The following XRCC5 variants were observed in gnomAD, a reference collection of about 807,000 sequenced individuals.
XRCC5 encodes DNA repair protein Ku80.
Under a neutral mutation model 95.7 loss-of-function variants are expected in XRCC5, and 12 were observed. The ratio of observed to expected loss-of-function variants is 0.13; its 90% CI spans 0.08 to 0.20. The LOEUF (loss-of-function observed/expected upper bound fraction) is 0.20. XRCC5 is among the 10% of genes least tolerant of loss of function. The probability of loss-of-function intolerance (pLI) is 1.00; values close to 1 mark genes in which losing one functional copy is unlikely to be tolerated. For synonymous variants in XRCC5, 281 were observed against 290.3 expected, an observed-to-expected ratio of 0.97 and a Z score of 0.33; for missense variants, 595 against 873.9, an observed-to-expected ratio of 0.68 and a Z score of 4.02.
In XRCC5 at chr2:216,175,420, G is replaced by A. The variant is rs565061062; in HGVS notation, c.1834+13372G>A. 32 of 517,976 alleles carry A rather than the reference G, an allele frequency of 6.2e-5. No homozygotes were observed. In the East Asian group the frequency reaches 1.6e-3, roughly 27 times the overall value. The allele number at this position is 517,976 out of a possible 1,614,324, so 32.1% of individuals were successfully genotyped here. A position where few individuals can be genotyped will look rare whatever the true frequency, so the allele number is the denominator to read the frequency against. On this transcript the variant is annotated intron_variant, in intron 16 of 20. Coordinates refer to ENST00000392132, the MANE Select transcript of XRCC5 (RefSeq NM_021141.4). ...CATCACCTCTGTGATCCTGCAGACT[G>A]CATCTCTTGTTTAGAAAGGGCCTTT...
chr2:216,122,383 T>A (rs1219224379), intron 6 of XRCC5, 130 bp downstream of exon 6: 8 of 861,364 alleles, frequency 9.3e-6, no homozygotes, highest in Non-Finnish European at 1.4e-5. Flanking sequence ...TATTCTGAGT[T>A]TTATTAAAGA....
intron 16 of XRCC5, among the ~76,000 whole-genome samples, chr2:216,178,146 C>A: frequency 6.6e-6 from 1 of 152,170 alleles, no homozygotes; most frequent in East Asian, 1.9e-4. Context: ...TGAAAATTGT[C>A]TTCCTGTTGA....
intron 19 of XRCC5, among the ~76,000 whole-genome samples, chr2:216,199,779 G>A (rs1485873728): frequency 1.5e-5 from 2 of 135,598 alleles, no homozygotes; most frequent in African/African-American, 5.3e-5. Context: ...AAGCAGTGAA[G>A]AAAGAGGATT....
chr2:216,171,627 A>G (rs1405113041), intron 16 of XRCC5, among the ~76,000 whole-genome samples: 3 of 152,212 alleles, frequency 2.0e-5, no homozygotes, highest in African/African-American at 4.8e-5. Flanking sequence ...TCAGGATAAT[A>G]TGGTATTTCA....
rs1696542857 is a variant in XRCC5 at position 216,109,382 on chromosome 2, G to T, written c.-55G>T. On this transcript the variant is annotated 5_prime_UTR_variant, in exon 1 of 21. Transcript: ENST00000392132. The stretch of plus-strand genomic sequence containing the variant: ...CGCTTGTCCACCGGAAGCGAGTTGC[G>T]ACACGGCAGGTTCCCGCCCGGAAGA... 1.9e-6 allele frequency: 3 copies of T among 1,612,408 alleles called. No individual in the cohort carries two copies. The highest frequency in any genetic ancestry group is 2.2e-5 in the South Asian group (2 of 90,890).
intron 6 of XRCC5, among the ~76,000 whole-genome samples, chr2:216,124,660 G>A (rs1038205444): frequency 2.0e-5 from 3 of 152,122 alleles, no homozygotes; most frequent in African/African-American, 7.2e-5. Flanking sequence ...GAAAATTGGA[G>A]TCTCTTGCGA....
Position 216,148,221 on chromosome 2 carries a change from C to A in XRCC5, c.1615C>A (p.Leu539Met). 1.2e-6 allele frequency: 2 copies of A among 1,613,526 alleles called. No homozygotes were observed. Among genetic ancestry groups the A allele is most frequent in the Non-Finnish European group, 1.7e-6 (2 of 1,179,870 alleles). Residue 539 changes from leucine to methionine, a missense_variant, in exon 14 of 21, where the codon CTG (leucine) becomes ATG (methionine). Coordinates refer to ENST00000392132, the MANE Select transcript of XRCC5 (RefSeq NM_021141.4). ...PLSKIKTLFP[L>M]IEAKKKDQVT... Reference sequence around the variant, plus strand: ...CTCTAAAATAAAGACCCTTTTTCCTCTGATTGAAGCCAAGAAAAAGGATCA... The same window carrying A: ...CTCTAAAATAAAGACCCTTTTTCCTATGATTGAAGCCAAGAAAAAGGATCA...
chr2:216,192,572 C>T, intron 17 of XRCC5, 67 bp from the exon 18 acceptor site: 1 of 1,116,438 alleles, frequency 9.0e-7, no homozygotes, highest in South Asian at 1.6e-5. Context: ...TTTGTTTGGT[C>T]TGGGGTGAAT....
In XRCC5 at chr2:216,168,216, A is replaced by G. The variant is rs41302444; in HGVS notation, c.1834+6168A>G. ...CGGACTGAGGCCCAGAGTAGTTAGG[A>G]TGACTTTTCACAGATAATTGCAAAT... On this transcript the variant is annotated intron_variant, in intron 16 of 20. Coordinates refer to ENST00000392132, the MANE Select transcript of XRCC5 (RefSeq NM_021141.4). Among the ~76,000 whole-genome samples the G allele has an allele frequency of 4.8e-3, 734 of 152,316 alleles. 3 individuals are homozygous for G. Among genetic ancestry groups the G allele is most frequent in the African/African-American group, 0.016 (680 of 41,570 alleles).
At chr2:216,195,381 T>TTTTCTC (rs1689699377) in intron 19 of XRCC5, among the ~76,000 whole-genome samples, 1 of 127,540 alleles carries the variant, frequency 7.8e-6, no homozygotes, top group African/African-American at 3.0e-5. Flanking sequence ...TTTTCTTTTC[T>TTTTCTC]TTTCTTTTCT....
chr2:216,197,078 C>G (rs1365644810), intron 19 of XRCC5, among the ~76,000 whole-genome samples: 1 of 152,088 alleles, frequency 6.6e-6, no homozygotes, highest in Non-Finnish European at 1.5e-5. Flanking sequence ...CAAAGATGTT[C>G]CAGCTAAGTT....
At chr2:216,153,460 T>C (rs1688783002) in intron 14 of XRCC5, among the ~76,000 whole-genome samples, 1 of 152,196 alleles carries the variant, frequency 6.6e-6, no homozygotes, top group African/African-American at 2.4e-5. Flanking sequence ...AAGCAAGGGT[T>C]TTTAATCAGG....
chr2:216,178,559 C>T (rs994725066), intron 16 of XRCC5, among the ~76,000 whole-genome samples: 2 of 152,040 alleles, frequency 1.3e-5, no homozygotes, highest in Non-Finnish European at 2.9e-5. Context: ...AGGTGTACAC[C>T]AAGATGAGAT....
chr2:216,164,750 A>G (rs1435463026), intron 16 of XRCC5, among the ~76,000 whole-genome samples: 2 of 152,228 alleles, frequency 1.3e-5, no homozygotes, highest in Non-Finnish European at 2.9e-5. Flanking sequence ...TTTCAAACTC[A>G]TGACCACAAA....
intron 13 of XRCC5, among the ~76,000 whole-genome samples, chr2:216,144,164 A>G (rs2106016825): frequency 6.6e-6 from 1 of 152,330 alleles, no homozygotes; most frequent in Admixed American, 6.5e-5. Flanking sequence ...TTTGCTGAGG[A>G]ATTAGCATTT....
intron 16 of XRCC5, among the ~76,000 whole-genome samples, chr2:216,166,511 C>A (rs1423463907): frequency 6.6e-6 from 1 of 152,148 alleles, no homozygotes; most frequent in African/African-American, 2.4e-5. Context: ...TATTCATAAG[C>A]ACATCATTGC....
At chr2:216,159,927 TTTTC>T (rs1012744135) in intron 14 of XRCC5, 137 bp from the exon 15 acceptor site, 10 of 559,008 alleles carry the variant, frequency 1.8e-5, no homozygotes, top group Non-Finnish European at 3.0e-5. Context: ...ATTGTTTTTC[TTTTC>T]TTTTTCTTCT....
At position 216,205,905 on chromosome 2, in the gene XRCC5, CA is replaced by C. The variant is rs1689933252; in HGVS notation, c.*704del. ...AAAGACCTTTTGGCCCAATCTCTGC[CA>C]TATCAGTGAACCTTTAGAAACTCAA... On this transcript the variant is annotated 3_prime_UTR_variant, in exon 21 of 21. Transcript: ENST00000392132. The C allele has an allele frequency of 6.6e-6, 1 of 152,170 alleles. No homozygotes were observed. Among genetic ancestry groups the C allele is most frequent in the South Asian group, 2.1e-4 (1 of 4,820 alleles). 9.4% of individuals were successfully genotyped at this position (152,170 alleles called of 1,614,324 possible).
intron 16 of XRCC5, among the ~76,000 whole-genome samples, chr2:216,171,019 G>A (rs1054144686): frequency 5.3e-5 from 8 of 152,206 alleles, no homozygotes; most frequent in African/African-American, 1.9e-4. Flanking sequence ...TTCAGATTGT[G>A]CTGATGTGCA....
Sources: allele counts gnomAD v4.1 joint callset (sites outside exome capture counted in the v4.1 genomes callset), GRCh38; gene constraint gnomAD v4.1.1; transcripts MANE v1.5; gene names NCBI Gene and HGNC (gene_info 2026-07-23, HGNC 2026-07-21).